ARID4B: variants seen among roughly 807,000 people sequenced by gnomAD.
ARID4B encodes the protein AT-rich interaction domain 4B.
A neutral mutation model predicts 147.5 loss-of-function variants in ARID4B; 26 were observed. The observed-to-expected ratio is 0.18, with a 90% CI of 0.13 to 0.24. The LOEUF is 0.24. Among genes scored for constraint, ARID4B ranks in the 10% least tolerant of loss-of-function variants. The probability of loss-of-function intolerance (pLI) is 1.00; values close to 1 mark genes in which losing one functional copy is unlikely to be tolerated. For missense variants in ARID4B, 1,179 were observed against 1,511.5 expected (o/e 0.78, Z 3.65); for synonymous variants, 512 against 507.9 (o/e 1.01, Z -0.11).
chr1:235,270,192 A>G (rs1236444327), intron 2 of ARID4B, among the ~76,000 whole-genome samples: 1 of 152,148 alleles, frequency 6.6e-6, no homozygotes, highest in Non-Finnish European at 1.5e-5. Flanking sequence ...CTGAGGCAGG[A>G]GAATGGTGTG....
At chr1:235,253,442 G>C (rs977256795) in intron 5 of ARID4B, among the ~76,000 whole-genome samples, 3 of 152,104 alleles carry the variant, frequency 2.0e-5, no homozygotes, top group African/African-American at 7.2e-5. Flanking sequence ...ATGTTCCCTG[G>C]GGGTAAATTC....
intron 2 of ARID4B, among the ~76,000 whole-genome samples, chr1:235,287,730 A>C (rs1430588595): frequency 6.6e-6 from 1 of 152,192 alleles, no homozygotes. Flanking sequence ...CTGGTCCTAA[A>C]GAATTTAGTC....
chr1:235,320,123 C>T (rs1674720228), intron 2 of ARID4B, among the ~76,000 whole-genome samples: 2 of 134,326 alleles, frequency 1.5e-5, no homozygotes, highest in South Asian at 4.5e-4. Context: ...GAAACTCCGT[C>T]TAAAAAAAAA....
At chr1:235,210,917 CTCTT>C (rs761922390) in intron 17 of ARID4B, among the ~76,000 whole-genome samples, 36 of 152,200 alleles carry the variant, frequency 2.4e-4, no homozygotes, top group Non-Finnish European at 3.2e-4. Context: ...TCCTGGAATT[CTCTT>C]TCTTTTAGTC....
intron 17 of ARID4B, among the ~76,000 whole-genome samples, chr1:235,206,421 A>C (rs551561986): frequency 6.6e-6 from 1 of 152,156 alleles, no homozygotes. Context: ...GAAAAATTCA[A>C]TATCAGAATT....
chr1:235,271,608 C>T (rs1670991306), intron 2 of ARID4B, among the ~76,000 whole-genome samples: 1 of 151,370 alleles, frequency 6.6e-6, no homozygotes, highest in Non-Finnish European at 1.5e-5. Context: ...CCAGCCTGGG[C>T]AACAAAAGTG....
chr1:235,181,918 T>C lies in ARID4B; in HGVS notation c.3001A>G (p.Thr1001Ala). The C allele has an allele frequency of 1.2e-6, 2 of 1,614,154 alleles. No homozygotes were observed. The highest frequency in any genetic ancestry group is 1.7e-6 in the Non-Finnish European group (2 of 1,180,022). Residue 1001 changes from threonine (T) to alanine (A), a missense_variant, in exon 20 of 24, where the codon ACA becomes GCA. Around this residue, in one of 10 missense-constraint regions of ARID4B, gnomAD observed 357 missense variants for 427.3 expected, o/e 0.84. Coordinates refer to ENST00000264183, the MANE Select transcript of ARID4B (RefSeq NM_016374.6). ...NVDSKPIEEK[T>A]VEVNDRKAEF... ...GCTTTTCTGTCATTGACCTCTACTGTTTTTTCTTCAATGGGTTTACTATCG... is the reference window on the plus strand; with the variant it reads ...GCTTTTCTGTCATTGACCTCTACTGCTTTTTCTTCAATGGGTTTACTATCG...
Position 235,181,642 on chromosome 1 carries a change from C to G in ARID4B, c.3277G>C (p.Asp1093His). 5.6e-6 allele frequency: 9 copies of G among 1,613,996 alleles called. No individual in the cohort carries two copies. The highest frequency in any genetic ancestry group is 7.6e-6 in the Non-Finnish European group (9 of 1,180,026). The change falls in exon 20 of 24, where the codon GAT becomes CAT. Residue 1093 changes from aspartate to histidine, a missense_variant. Physicochemically the swap from Asp to His is moderately conservative, Grantham distance 81. This residue lies in a region of ARID4B where 357 missense variants were observed against 427.3 expected (regional missense o/e 0.84). Transcript: ENST00000264183. ...CTACTGCTTGAGCTCACACTGGCAT[C>G]AAAACCTGCTGGCGAGCTATTCCCT... ...SEGNSSPAGF[D>H]ASVSSSSSNQ...
rs1021916785 is a variant in ARID4B at position 235,200,801 on chromosome 1, T to C, written c.1842-4686A>G. Among the ~76,000 whole-genome samples, 193 of 152,282 alleles carry C rather than the reference T, an allele frequency of 1.3e-3. 1 individual carries two copies. Among genetic ancestry groups the C allele is most frequent in the African/African-American group, 4.5e-3 (189 of 41,540 alleles). ...TAGATAAGAAAATAGTCAATGCAGA[T>C]AGAAAATGGGAAATTTTAGCTCAAG... is the stretch of plus-strand genomic sequence containing the variant. On this transcript the variant is annotated intron_variant, in intron 17 of 23. Transcript: ENST00000264183.
intron 16 of ARID4B, among the ~76,000 whole-genome samples, chr1:235,215,616 T>C (rs1453914228): frequency 6.7e-6 from 1 of 149,064 alleles, no homozygotes. Flanking sequence ...ATGGTCTCAC[T>C]GTGTCATCCA....
At chr1:235,183,550 TTCA>T (rs968572461) in intron 19 of ARID4B, among the ~76,000 whole-genome samples, 9 of 152,088 alleles carry the variant, frequency 5.9e-5, no homozygotes, top group African/African-American at 1.9e-4. Context: ...CATTTTTCTT[TTCA>T]TCAGAGACGG....
chr1:235,278,094 G>T (rs556374549), intron 2 of ARID4B, among the ~76,000 whole-genome samples: 1 of 152,162 alleles, frequency 6.6e-6, no homozygotes, highest in African/African-American at 2.4e-5. Flanking sequence ...ACAGGGGTAT[G>T]TAACAGGCCT....
chr1:235,314,530 G>A (rs926633182), intron 2 of ARID4B, among the ~76,000 whole-genome samples: 4 of 152,100 alleles, frequency 2.6e-5, no homozygotes, highest in African/African-American at 4.8e-5. Context: ...TAATCATGAA[G>A]CTACAATGTT....
rs533933606 is a variant in ARID4B at position 235,220,387 on chromosome 1, A to C, written c.1322T>G (p.Met441Arg). 8.7e-6 allele frequency: 14 copies of C among 1,611,088 alleles called. No individual in the cohort carries two copies. The African/African-American group carries it at 1.9e-4, about 22-fold the overall frequency. The change falls in exon 15 of 24, where the codon ATG becomes AGG. Residue 441 changes from methionine to arginine, a missense_variant. Physicochemically the swap from Met to Arg is moderately conservative, Grantham distance 91 (BLOSUM62 -1). This residue lies in a region of ARID4B where 204 missense variants were observed against 210.9 expected (regional missense o/e 0.97). Coordinates refer to ENST00000264183, the MANE Select transcript of ARID4B (RefSeq NM_016374.6). Reference sequence around the variant, plus strand: ...TGGTATTATATTCCTCTCCTCCTCCATCTTTATTTCTTTGATCTCTGTTTC... The same window carrying C: ...TGGTATTATATTCCTCTCCTCCTCCCTCTTTATTTCTTTGATCTCTGTTTC... ...ENETEIKEIK[M>R]EEERNIIPRE...
intron 5 of ARID4B, among the ~76,000 whole-genome samples, chr1:235,255,224 T>G (rs868541549): frequency 0.019 from 1,951 of 100,902 alleles, 27 homozygotes; most frequent in Middle Eastern, 0.053. Flanking sequence ...GGGAGCTAGA[T>G]AGATAGATAG....
intron 6 of ARID4B, among the ~76,000 whole-genome samples, chr1:235,249,039 T>C (rs943292038): frequency 6.6e-6 from 1 of 152,154 alleles, no homozygotes; most frequent in Non-Finnish European, 1.5e-5. Flanking sequence ...AAAGAAAGAA[T>C]ACCAGATAAT....
At chr1:235,265,169 G>A (rs1670525594) in intron 2 of ARID4B, among the ~76,000 whole-genome samples, 1 of 150,038 alleles carries the variant, frequency 6.7e-6, no homozygotes, top group Non-Finnish European at 1.5e-5. Context: ...TTCGAGACCA[G>A]CCTGGCCAAC....
chr1:235,306,034 A>G (rs762288255), intron 2 of ARID4B, among the ~76,000 whole-genome samples: 280 of 152,358 alleles, frequency 1.8e-3, no homozygotes, highest in Non-Finnish European at 2.9e-3. Flanking sequence ...CAGTGGCAAA[A>G]TTATCATATG....
intron 5 of ARID4B, among the ~76,000 whole-genome samples, chr1:235,255,219 C>CTATATA (rs370660682): frequency 2.3e-4 from 29 of 127,558 alleles, no homozygotes; most frequent in Non-Finnish European, 3.2e-4. Flanking sequence ...CTGCTGGGAG[C>CTATATA]TAGATAGATA....
Sources: gnomAD v4.1 joint callset for allele counts (sites outside exome capture counted in the v4.1 genomes callset) on GRCh38, gnomAD v4.1.1 for gene constraint, gnomAD v4.1.1 regional missense constraint, MANE v1.5 for transcripts, NCBI Gene and HGNC (gene_info 2026-07-23, HGNC 2026-07-21) for gene names.